DPP10: variants seen among roughly 807,000 people sequenced by gnomAD.
DPP10 encodes dipeptidyl peptidase like 10, also known as inactive dipeptidyl peptidase 10.
A neutral mutation model predicts 120.9 loss-of-function variants in DPP10; 33 were observed. The observed-to-expected ratio is 0.27, with a 90% CI of 0.21 to 0.37. The LOEUF is 0.37. DPP10 is among the 10% of genes least tolerant of loss of function. DPP10 has a pLI of 1.00. For missense variants in DPP10, 816 were observed against 942.8 expected (o/e 0.87, Z 1.76); for synonymous variants, 337 against 326.1 (o/e 1.03, Z -0.36).
At position 114,848,290 on chromosome 2, in the gene DPP10, C is replaced by G. The variant is rs139925215; in HGVS notation, c.60+405452C>G. Among the ~76,000 whole-genome samples the G allele has an allele frequency of 1.3e-3, 201 of 152,256 alleles. 1 individual carries two copies. The East Asian group carries it at 0.03, about 22-fold the overall frequency. On this transcript the variant is annotated intron_variant, in intron 1 of 25. Transcript: ENST00000410059. ...AAGTGAGATCTGGATTTGCTCTATACCAGCCAAAGCTAAGAATATAATATA... is the reference window on the plus strand; with the variant it reads ...AAGTGAGATCTGGATTTGCTCTATAGCAGCCAAAGCTAAGAATATAATATA...
At chr2:115,631,277 A>T (rs990879423) in intron 5 of DPP10, among the ~76,000 whole-genome samples, 1 of 151,924 alleles carries the variant, frequency 6.6e-6, no homozygotes, top group African/African-American at 2.4e-5. Context: ...TATCCCCTTT[A>T]TCATTTTTTA....
intron 2 of DPP10, among the ~76,000 whole-genome samples, chr2:115,341,504 G>A (rs1453116690): frequency 2.6e-5 from 4 of 152,108 alleles, no homozygotes; most frequent in Non-Finnish European, 5.9e-5. Flanking sequence ...CCAGTGGATT[G>A]TGTTGTATGG....
At chr2:115,831,061 T>G (rs1688870476) in intron 21 of DPP10, among the ~76,000 whole-genome samples, 1 of 152,132 alleles carries the variant, frequency 6.6e-6, no homozygotes, top group Non-Finnish European at 1.5e-5. Context: ...TTATAGGTAT[T>G]GTGATAAAAT....
chr2:115,624,448 C>A (rs571014269), intron 5 of DPP10, among the ~76,000 whole-genome samples: 20 of 152,244 alleles, frequency 1.3e-4, no homozygotes, highest in East Asian at 3.9e-4. Context: ...AGTTTGGCAG[C>A]ATGAGATAAA....
intron 3 of DPP10, among the ~76,000 whole-genome samples, chr2:115,405,500 C>T (rs2068439642): frequency 6.6e-6 from 1 of 152,128 alleles, no homozygotes; most frequent in Non-Finnish European, 1.5e-5. Context: ...TTCTGTGGGT[C>T]TGGAGTCCAG....
chr2:115,428,771 A>G (rs2070711024), intron 3 of DPP10, among the ~76,000 whole-genome samples: 1 of 152,242 alleles, frequency 6.6e-6, no homozygotes, highest in Admixed American at 6.5e-5. Flanking sequence ...TTCTGCAGAA[A>G]GGATACACTC....
intron 1 of DPP10, among the ~76,000 whole-genome samples, chr2:114,786,866 G>A (rs531736666): frequency 8.1e-4 from 123 of 152,288 alleles, no homozygotes; most frequent in Non-Finnish European, 1.4e-3. Context: ...CTCCATCATT[G>A]TATAGCTGCT....
chr2:115,731,317 C>T (rs2092904258), intron 8 of DPP10, among the ~76,000 whole-genome samples: 1 of 151,556 alleles, frequency 6.6e-6, no homozygotes, highest in Non-Finnish European at 1.5e-5. Flanking sequence ...GATCATGCCA[C>T]TGCACTCCAG....
At chr2:115,803,224 G>A (rs1685484625) in intron 19 of DPP10, among the ~76,000 whole-genome samples, 1 of 152,114 alleles carries the variant, frequency 6.6e-6, no homozygotes, top group African/African-American at 2.4e-5. Context: ...TTGGTTTAAA[G>A]TCTGTTTCAT....
At chr2:115,134,312 G>A (rs1386598434) in intron 1 of DPP10, among the ~76,000 whole-genome samples, 1 of 152,106 alleles carries the variant, frequency 6.6e-6, no homozygotes, top group Admixed American at 6.6e-5. Flanking sequence ...GTAGCATTAC[G>A]TCAAATAAGA....
intron 1 of DPP10, among the ~76,000 whole-genome samples, chr2:114,695,937 T>G (rs554721630): frequency 1.3e-5 from 2 of 152,240 alleles, no homozygotes; most frequent in South Asian, 4.1e-4. Context: ...CATATTACAA[T>G]GGACTATATA....
intron 7 of DPP10, among the ~76,000 whole-genome samples, chr2:115,720,695 G>C (rs1000531750): frequency 6.6e-6 from 1 of 152,072 alleles, no homozygotes; most frequent in Non-Finnish European, 1.5e-5. Context: ...TTTCACTGAA[G>C]AATTTCCATG....
At chr2:115,450,920 GT>G (rs1381831982) in intron 3 of DPP10, among the ~76,000 whole-genome samples, 1 of 151,856 alleles carries the variant, frequency 6.6e-6, no homozygotes, top group Admixed American at 6.6e-5. Flanking sequence ...CTGCTGTTTA[GT>G]TTATAAAATG....
intron 1 of DPP10, among the ~76,000 whole-genome samples, chr2:114,748,346 T>C (rs1033610827): frequency 5.3e-5 from 7 of 131,008 alleles, no homozygotes; most frequent in African/African-American, 2.2e-4. Context: ...TTCTTTTTTT[T>C]TTTTATTTTT....
At position 115,739,744 on chromosome 2, in the gene DPP10, C is replaced by T. The variant is rs1677019817; in HGVS notation, c.703C>T (p.Leu235Phe). Residue 235 changes from leucine (L) to phenylalanine (F), a missense_variant, in exon 9 of 26, where the codon CTC becomes TTC. Physicochemically the swap from Leu to Phe is conservative, Grantham distance 22 (BLOSUM62 0). Coordinates refer to ENST00000410059, the MANE Select transcript of DPP10 (RefSeq NM_020868.6). ...ATAACACTCATTTATTCTAGAGGAACTCCTGCATTCTCACATCGCCCACTG... is the reference window on the plus strand; with the variant it reads ...ATAACACTCATTTATTCTAGAGGAATTCCTGCATTCTCACATCGCCCACTG... The part of the protein sequence containing the change: ...GIADWLYEEE[L>F]LHSHIAHWWS... 2 of 1,613,008 alleles carry T rather than the reference C, an allele frequency of 1.2e-6. No homozygotes were observed. Among genetic ancestry groups the T allele is most frequent in the African/African-American group, 2.7e-5 (2 of 74,886 alleles).
At chr2:115,427,800 G>A (rs1303724316) in intron 3 of DPP10, among the ~76,000 whole-genome samples, 13 of 152,100 alleles carry the variant, frequency 8.5e-5, no homozygotes, top group Admixed American at 8.5e-4. Context: ...TCCTAAAAAT[G>A]GGCTTTTTGT....
chr2:115,842,812 A>G lies in DPP10; in HGVS notation c.*467A>G, dbSNP rs72830516. 0.18 allele frequency: 28,032 copies of G among 152,678 alleles called. 3,595 individuals are homozygous for G. Among genetic ancestry groups the G allele is most frequent in the East Asian group, 0.57 (2,954 of 5,142 alleles). 9.5% of individuals were successfully genotyped at this position (152,678 alleles called of 1,614,324 possible). ...TGCAATTCTTTCATTGTCTATTATTATGCTTAAGAAAATATTCAGTTAATA... is the reference window on the plus strand; with the variant it reads ...TGCAATTCTTTCATTGTCTATTATTGTGCTTAAGAAAATATTCAGTTAATA... On this transcript the variant is annotated 3_prime_UTR_variant, in exon 26 of 26. Transcript: ENST00000410059.
intron 1 of DPP10, among the ~76,000 whole-genome samples, chr2:115,225,555 G>C (rs577831261): frequency 6.6e-6 from 1 of 151,898 alleles, no homozygotes; most frequent in African/African-American, 2.4e-5. Context: ...GGAACTCAGG[G>C]AAGTTTACTG....
chr2:115,080,049 C>T (rs1037888416), intron 1 of DPP10, among the ~76,000 whole-genome samples: 4 of 152,032 alleles, frequency 2.6e-5, no homozygotes, highest in Non-Finnish European at 5.9e-5. Flanking sequence ...TGGAGTCTTG[C>T]TCTTATAGCC....
Sources: allele counts gnomAD v4.1 joint callset (sites outside exome capture counted in the v4.1 genomes callset), GRCh38; gene constraint gnomAD v4.1.1; transcripts MANE v1.5; gene names NCBI Gene and HGNC (gene_info 2026-07-23, HGNC 2026-07-21).